The following LARP4B variants were observed in gnomAD, a reference collection of about 807,000 sequenced individuals.
The protein encoded by LARP4B is La ribonucleoprotein 4B.
LARP4B carries 12 observed loss-of-function variants against 89.8 expected under a neutral mutation model. That is an observed-to-expected ratio of 0.13 (90% confidence interval 0.09 to 0.22). The LOEUF is 0.22. LARP4B is among the 10% of genes least tolerant of loss of function. LARP4B has a pLI of 1.00. For synonymous variants in LARP4B, 367 were observed against 363.3 expected, an observed-to-expected ratio of 1.01 and a Z score of -0.12; for missense variants, 757 against 947.7, an observed-to-expected ratio of 0.80 and a Z score of 2.64.
At chr10:853,997 G>C (rs1246075711) in intron 5 of LARP4B, among the ~76,000 whole-genome samples, 1 of 152,192 alleles carries the variant, frequency 6.6e-6, no homozygotes. Context: ...TATCAGCTAG[G>C]TTTATGGAAT....
At chr10:852,500 A>G (rs1588911020) in intron 5 of LARP4B, among the ~76,000 whole-genome samples, 1 of 152,246 alleles carries the variant, frequency 6.6e-6, no homozygotes, top group African/African-American at 2.4e-5. Context: ...AAGGGCACAG[A>G]CCTAAAACCA....
At chr10:845,455 A>G (rs775972639) in intron 5 of LARP4B, among the ~76,000 whole-genome samples, 1 of 152,236 alleles carries the variant, frequency 6.6e-6, no homozygotes, top group Non-Finnish European at 1.5e-5. Flanking sequence ...AAAGATAACC[A>G]GCAAAAAACC....
the LARP4B span, among the ~76,000 whole-genome samples, chr10:964,125 G>A: frequency 2.6e-4 from 40 of 152,282 alleles, no homozygotes; most frequent in African/African-American, 9.4e-4. Context: ...AGAGTGCAGT[G>A]GCGTGATCTC....
At chr10:938,569 T>A in the LARP4B span, among the ~76,000 whole-genome samples, 1 of 152,222 alleles carries the variant, frequency 6.6e-6, no homozygotes, top group Non-Finnish European at 1.5e-5. Flanking sequence ...GTTCATTGTT[T>A]TATGGCTGTG....
chr10:946,477 C>T, the LARP4B span, among the ~76,000 whole-genome samples: 2 of 152,200 alleles, frequency 1.3e-5, no homozygotes, highest in Admixed American at 1.3e-4. Flanking sequence ...AGTTACTTTC[C>T]TGATTCACTT....
At chr10:855,490 A>G (rs1019295548) in intron 5 of LARP4B, among the ~76,000 whole-genome samples, 7 of 152,140 alleles carry the variant, frequency 4.6e-5, no homozygotes, top group African/African-American at 1.7e-4. Flanking sequence ...GCAAAGAGAG[A>G]GAGAGACAAG....
At chr10:908,022 A>C (rs796495458) in intron 1 of LARP4B, among the ~76,000 whole-genome samples, 1 of 152,210 alleles carries the variant, frequency 6.6e-6, no homozygotes, top group Non-Finnish European at 1.5e-5. Flanking sequence ...CCTGGCCAAC[A>C]TGGTGAAACC....
At chr10:834,758 G>C (rs532632693) in intron 8 of LARP4B, among the ~76,000 whole-genome samples, 3 of 152,154 alleles carry the variant, frequency 2.0e-5, no homozygotes, top group Admixed American at 1.3e-4. Flanking sequence ...AATTCTCCTT[G>C]GTTAAAGTTT....
chr10:888,168 A>G (rs977885207), intron 1 of LARP4B, among the ~76,000 whole-genome samples: 1 of 152,052 alleles, frequency 6.6e-6, no homozygotes, highest in Non-Finnish European at 1.5e-5. Context: ...GAAAATACAA[A>G]AATGAGCTGG....
At chr10:969,446 A>G in the LARP4B span, among the ~76,000 whole-genome samples, 1 of 152,060 alleles carries the variant, frequency 6.6e-6, no homozygotes, top group African/African-American at 2.4e-5. Context: ...ATTAGGAGAA[A>G]AGGCTCGGCA....
At chr10:892,580 C>G (rs183152204) in intron 1 of LARP4B, among the ~76,000 whole-genome samples, 2 of 151,706 alleles carry the variant, frequency 1.3e-5, no homozygotes, top group Admixed American at 6.6e-5. Flanking sequence ...CGCTCTGTTG[C>G]GCAGGCTGGA....
the LARP4B span, among the ~76,000 whole-genome samples, chr10:938,535 G>C: frequency 1.3e-5 from 2 of 152,198 alleles, no homozygotes; most frequent in Non-Finnish European, 1.5e-5. Flanking sequence ...TTACAGGCGT[G>C]AGCCACCGCG....
At chr10:931,155 T>C (rs1180378451) in intron 1 of LARP4B, among the ~76,000 whole-genome samples, 1 of 140,096 alleles carries the variant, frequency 7.1e-6, no homozygotes, top group Non-Finnish European at 1.6e-5. Context: ...CAGCCCCAGT[T>C]TTCCCCTGCC....
chr10:984,524 G>A, the LARP4B span, among the ~76,000 whole-genome samples: 5 of 152,174 alleles, frequency 3.3e-5, no homozygotes, highest in Admixed American at 1.3e-4. Flanking sequence ...CAGCTCTGAC[G>A]TGAGCAAGGG....
chr10:911,623 G>GACAC (rs1288277234), intron 1 of LARP4B, among the ~76,000 whole-genome samples: 1 of 152,090 alleles, frequency 6.6e-6, no homozygotes, highest in Non-Finnish European at 1.5e-5. Context: ...AAATCTAGAG[G>GACAC]ACACTTCTAA....
intron 8 of LARP4B, among the ~76,000 whole-genome samples, chr10:835,476 G>A (rs975585485): frequency 9.2e-5 from 14 of 152,196 alleles, no homozygotes; most frequent in African/African-American, 2.4e-4. Flanking sequence ...AGTCCCCAAA[G>A]CAGGCAGATT....
intron 1 of LARP4B, among the ~76,000 whole-genome samples, chr10:907,894 C>T (rs1042724302): frequency 1.3e-5 from 2 of 152,288 alleles, no homozygotes; most frequent in East Asian, 3.9e-4. Flanking sequence ...GCAATCATGC[C>T]TATGTAACGG....
chr10:877,926 C>A (rs987866957), intron 3 of LARP4B, among the ~76,000 whole-genome samples: 1 of 152,140 alleles, frequency 6.6e-6, no homozygotes, highest in Non-Finnish European at 1.5e-5. Context: ...AACTGCTACA[C>A]GTAAAGGGTC....
chr10:907,941 C>T (rs1180387134), intron 1 of LARP4B, among the ~76,000 whole-genome samples: 2 of 152,204 alleles, frequency 1.3e-5, no homozygotes, highest in Non-Finnish European at 2.9e-5. Context: ...TGCGGTGGCT[C>T]ACGCCTGTAA....
Sources: allele counts gnomAD v4.1 joint callset (sites outside exome capture counted in the v4.1 genomes callset), GRCh38; gene constraint gnomAD v4.1.1; transcripts MANE v1.5; gene names NCBI Gene and HGNC (gene_info 2026-07-23, HGNC 2026-07-21).